ADAM17: variants seen among roughly 807,000 people sequenced by gnomAD.
ADAM17 encodes disintegrin and metalloproteinase domain-containing protein 17.
In ADAM17, 39 loss-of-function variants were observed where a neutral mutation model predicts 96.7. That is an observed-to-expected ratio of 0.40 (90% CI 0.31 to 0.53). The LOEUF (loss-of-function observed/expected upper bound fraction) is 0.53, where lower values mean the gene tolerates loss of function less well. Ranked by LOEUF, ADAM17 falls within the 20% of genes least tolerant of loss-of-function variation. ADAM17 has a pLI of 0.44. For synonymous variants in ADAM17, 344 were observed against 359.2 expected, an observed-to-expected ratio of 0.96 and a Z score of 0.48; for missense variants, 777 against 1,013.2, an observed-to-expected ratio of 0.77 and a Z score of 3.17.
chr2:9,525,710 C>T (rs1664498806), intron 6 of ADAM17, among the ~76,000 whole-genome samples: 1 of 152,160 alleles, frequency 6.6e-6, no homozygotes, highest in Non-Finnish European at 1.5e-5. Flanking sequence ...CAAAACTCGC[C>T]TTCCTCTCTG....
intron 2 of ADAM17, among the ~76,000 whole-genome samples, chr2:9,538,061 TC>T (rs1665062092): frequency 6.6e-6 from 1 of 151,562 alleles, no homozygotes; most frequent in African/African-American, 2.4e-5. Context: ...GGCTTACTAT[TC>T]TTTTTGTTGA....
chr2:9,534,512 G>A (rs1165342161), intron 4 of ADAM17, among the ~76,000 whole-genome samples: 1 of 152,156 alleles, frequency 6.6e-6, no homozygotes, highest in Non-Finnish European at 1.5e-5. Context: ...TCTAGCCTGG[G>A]TGACAGAGCA....
intron 8 of ADAM17, among the ~76,000 whole-genome samples, chr2:9,520,351 C>T (rs189131863): frequency 8.6e-4 from 131 of 152,316 alleles, no homozygotes; most frequent in African/African-American, 2.9e-3. Context: ...CCCTGTTATA[C>T]GGCAAGACTC....
At chr2:9,536,470 T>A (rs1664964634) in intron 3 of ADAM17, among the ~76,000 whole-genome samples, 1 of 152,198 alleles carries the variant, frequency 6.6e-6, no homozygotes, top group Non-Finnish European at 1.5e-5. Flanking sequence ...AAGAATTTAA[T>A]TTTAATCATT....
At chr2:9,538,811 T>A (rs1291662093) in intron 2 of ADAM17, among the ~76,000 whole-genome samples, 1 of 152,130 alleles carries the variant, frequency 6.6e-6, no homozygotes, top group African/African-American at 2.4e-5. Context: ...GTCATTTTCT[T>A]ACAGATTTCT....
chr2:9,517,264 G>A (rs889710347), intron 10 of ADAM17, among the ~76,000 whole-genome samples: 4 of 152,010 alleles, frequency 2.6e-5, no homozygotes, highest in Admixed American at 1.3e-4. Flanking sequence ...AGACATAGCT[G>A]GAGAAAAACA....
intron 4 of ADAM17, among the ~76,000 whole-genome samples, chr2:9,530,401 T>C (rs1664692247): frequency 6.6e-6 from 1 of 152,190 alleles, no homozygotes; most frequent in Non-Finnish European, 1.5e-5. Flanking sequence ...GAGCATAACC[T>C]CCCTCATTAG....
intron 11 of ADAM17, among the ~76,000 whole-genome samples, chr2:9,509,196 T>C (rs1663589624): frequency 6.6e-6 from 1 of 152,208 alleles, no homozygotes; most frequent in South Asian, 2.1e-4. Flanking sequence ...ATCAGACTCC[T>C]TTAAGCTCTC....
At chr2:9,519,279 T>C (rs2125019076) in intron 8 of ADAM17, among the ~76,000 whole-genome samples, 1 of 152,272 alleles carries the variant, frequency 6.6e-6, no homozygotes, top group Non-Finnish European at 1.5e-5. Context: ...ACATGGGGAT[T>C]CTGATAGTTC....
intron 13 of ADAM17, among the ~76,000 whole-genome samples, chr2:9,501,178 A>T (rs1028569608): frequency 2.6e-5 from 4 of 152,216 alleles, no homozygotes; most frequent in Non-Finnish European, 4.4e-5. Context: ...TTCACAGGAG[A>T]AATCTGAATA....
intron 12 of ADAM17, among the ~76,000 whole-genome samples, chr2:9,502,816 T>C (rs531334388): frequency 1.4e-5 from 2 of 140,650 alleles, no homozygotes; most frequent in South Asian, 2.3e-4. Context: ...GAGACAGAGG[T>C]TGCAGTGAGC....
At position 9,555,572 on chromosome 2, in the gene ADAM17, C is replaced by G. The variant is rs1186689463; in HGVS notation, c.34G>C (p.Val12Leu). The G allele has an allele frequency of 1.9e-6, 3 of 1,599,782 alleles. No homozygotes were observed. The highest frequency in any genetic ancestry group is 2.6e-6 in the Non-Finnish European group (3 of 1,173,124). ...GGTCGCGGCGCCAGCACGAAAGGAA[C>G]CACGCTGGTCAGGAATAGGAGAGAC... ...RQSLLFLTSV[V>L]PFVLAPRPPD... is the part of the protein sequence containing the mutation. The change falls in exon 1 of 19, where the codon GTT becomes CTT. Residue 12 changes from valine (V) to leucine (L), a missense_variant. Coordinates refer to ENST00000310823, the MANE Select transcript of ADAM17 (RefSeq NM_003183.6).
chr2:9,535,793 G>T, intron 4 of ADAM17, 41 bp downstream of exon 4: 1 of 1,303,908 alleles, frequency 7.7e-7, no homozygotes, highest in Non-Finnish European at 1.1e-6. Flanking sequence ...TTGAAAATCA[G>T]AGATATAAGC....
intron 4 of ADAM17, among the ~76,000 whole-genome samples, chr2:9,533,677 C>T (rs1232198788): frequency 6.6e-6 from 1 of 152,218 alleles, no homozygotes; most frequent in African/African-American, 2.4e-5. Flanking sequence ...TTCCATTCTC[C>T]TTTGTAGCAG....
intron 1 of ADAM17, among the ~76,000 whole-genome samples, chr2:9,549,357 AGAGT>A (rs781049262): frequency 2.6e-5 from 4 of 152,214 alleles, no homozygotes; most frequent in East Asian, 1.9e-4. Context: ...CCTAGGTGAT[AGAGT>A]GAGACTCCAT....
intron 11 of ADAM17, among the ~76,000 whole-genome samples, chr2:9,508,883 C>T (rs555131031): frequency 1.3e-5 from 2 of 151,882 alleles, no homozygotes; most frequent in South Asian, 4.2e-4. Context: ...TTCTCTGGCA[C>T]AAGTTGTCAA....
chr2:9,527,640 A>C (rs750545067), intron 5 of ADAM17, 146 bp downstream of exon 5: 8 of 499,686 alleles, frequency 1.6e-5, no homozygotes, highest in Non-Finnish European at 2.2e-5. Flanking sequence ...AGAAGATGAA[A>C]ATTTCTGGAA....
At chr2:9,534,801 A>G (rs536509057) in intron 4 of ADAM17, among the ~76,000 whole-genome samples, 2 of 152,384 alleles carry the variant, frequency 1.3e-5, no homozygotes, top group Non-Finnish European at 2.9e-5. Flanking sequence ...TTTTGCAATG[A>G]GCATATATTT....
intron 11 of ADAM17, 107 bp from the exon 12 acceptor site, chr2:9,505,472 T>A (rs1663333747): frequency 1.7e-6 from 2 of 1,174,360 alleles, no homozygotes; most frequent in Non-Finnish European, 2.4e-6. Flanking sequence ...AAAACCACCA[T>A]CAGAGCCACC....
Sources: allele counts gnomAD v4.1 joint callset (sites outside exome capture counted in the v4.1 genomes callset), GRCh38; gene constraint gnomAD v4.1.1; transcripts MANE v1.5; gene names NCBI Gene and HGNC (gene_info 2026-07-23, HGNC 2026-07-21).